Variants in FGGY observed in about 807,000 individuals in gnomAD.
FGGY encodes FGGY carbohydrate kinase domain-containing protein.
Under a neutral mutation model 71.3 loss-of-function variants are expected in FGGY, and 72 were observed. That is an observed-to-expected ratio of 1.01 (90% CI 0.84 to 1.23). The LOEUF is 1.23. Ranked by LOEUF, FGGY falls within the 50% of genes most tolerant of loss-of-function variation. The pLI is 0.00. For missense variants in FGGY, 668 were observed against 682.3 expected, an observed-to-expected ratio of 0.98 and a Z score of 0.23; for synonymous variants, 251 against 250.3, an observed-to-expected ratio of 1.00 and a Z score of -0.02.
chr1:59,686,472 G>A (rs566870569), intron 14 of FGGY, among the ~76,000 whole-genome samples: 5 of 152,130 alleles, frequency 3.3e-5, no homozygotes, highest in South Asian at 2.1e-4. Flanking sequence ...AAGAGAGAAC[G>A]CTGTGGACTT....
At chr1:59,445,604 T>G (rs1235011648) in intron 5 of FGGY, among the ~76,000 whole-genome samples, 1 of 152,234 alleles carries the variant, frequency 6.6e-6, no homozygotes, top group Non-Finnish European at 1.5e-5. Context: ...TGTCCTTGCC[T>G]ATGGCACACA....
intron 7 of FGGY, among the ~76,000 whole-genome samples, chr1:59,512,917 A>G (rs1231887782): frequency 6.6e-6 from 1 of 152,160 alleles, no homozygotes; most frequent in Non-Finnish European, 1.5e-5. Context: ...TCATTTGTTC[A>G]TTCATAAAAC....
intron 5 of FGGY, among the ~76,000 whole-genome samples, chr1:59,386,537 AC>A (rs970919261): frequency 1.6e-4 from 24 of 150,488 alleles, no homozygotes; most frequent in African/African-American, 5.1e-4. Flanking sequence ...TTACTCTTCC[AC>A]CCCCCACCCC....
intron 14 of FGGY, among the ~76,000 whole-genome samples, chr1:59,687,234 C>A (rs1573199576): frequency 6.6e-6 from 1 of 152,188 alleles, no homozygotes; most frequent in African/African-American, 2.4e-5. Context: ...GCAGCAGCTG[C>A]ATTTTCTGTC....
intron 8 of FGGY, among the ~76,000 whole-genome samples, chr1:59,604,512 A>G (rs896367184): frequency 9.2e-5 from 14 of 152,324 alleles, no homozygotes; most frequent in African/African-American, 3.4e-4. Flanking sequence ...ATTCTCTGAC[A>G]TTTCTGAGCA....
chr1:59,646,507 TATATTTATATATAAATTTAC>T (rs2097095919), intron 11 of FGGY, among the ~76,000 whole-genome samples: 1 of 149,810 alleles, frequency 6.7e-6, no homozygotes, highest in South Asian at 2.1e-4. Context: ...TTTTTATTTG[TATATTTATATATAAATTTAC>T]ATATTTATAT....
intron 8 of FGGY, among the ~76,000 whole-genome samples, chr1:59,555,579 C>G (rs2095671584): frequency 6.6e-6 from 1 of 152,216 alleles, no homozygotes; most frequent in Admixed American, 6.5e-5. Context: ...GTGGCTGACT[C>G]TGCCTGGGAG....
Position 59,762,505 on chromosome 1 carries a change from A to G in FGGY, c.1577A>G (p.Tyr526Cys), listed in dbSNP as rs2098351604. 3 of 1,611,736 alleles carry G rather than the reference A, an allele frequency of 1.9e-6. No homozygotes were observed. Among genetic ancestry groups the G allele is most frequent in the East Asian group, 2.2e-5 (1 of 44,812 alleles). ...ACATATTTATATTTCTCCCACAGAT[A>G]CTATGATAAGAAATACCAAGTATTC... The part of the protein sequence containing the change: ...VVFPRLQDKK[Y>C]YDKKYQVFLK... The change falls in exon 16 of 16, where the codon TAC becomes TGC. Residue 526 changes from tyrosine to cysteine, a missense_variant and splice_region_variant. This residue lies in a region of FGGY where 661 missense variants were observed against 661.6 expected (regional missense o/e 1.00). Coordinates refer to ENST00000303721, the MANE Select transcript of FGGY (RefSeq NM_018291.5).
rs2064555884 is a variant in FGGY, at chr1:59,416,989, T to G, written c.554+38152T>G. On this transcript the variant is annotated intron_variant, in intron 5 of 15. Coordinates refer to ENST00000303721, the MANE Select transcript of FGGY (RefSeq NM_018291.5). Reference sequence around the variant, plus strand: ...AGATATAATTCATATACCCTAAAATTCACCATTTTATGTATACAGTATAGT... The same window carrying G: ...AGATATAATTCATATACCCTAAAATGCACCATTTTATGTATACAGTATAGT... Among the ~76,000 whole-genome samples the G allele has an allele frequency of 1.3e-5, 2 of 152,218 alleles. 1 individual carries two copies. The highest frequency in any genetic ancestry group is 1.3e-4 in the Admixed American group (2 of 15,286).
intron 5 of FGGY, among the ~76,000 whole-genome samples, chr1:59,403,843 G>A (rs1460309733): frequency 2.6e-5 from 4 of 152,160 alleles, no homozygotes; most frequent in African/African-American, 9.7e-5. Context: ...ACACCTCTGT[G>A]ATCTTGGACA....
At chr1:59,733,314 TCTC>T in intron 14 of FGGY, 1 of 154,126 alleles carries the variant, frequency 6.5e-6, no homozygotes, top group Non-Finnish European at 1.5e-5. Flanking sequence ...CCCTGCCCCA[TCTC>T]CTCCTCACTA....
At chr1:59,392,002 G>GT (rs2060753301) in intron 5 of FGGY, among the ~76,000 whole-genome samples, 1 of 152,102 alleles carries the variant, frequency 6.6e-6, no homozygotes, top group African/African-American at 2.4e-5. Context: ...ACTCAGAAGG[G>GT]TTTCATTCTG....
chr1:59,592,356 C>A (rs370454149), intron 8 of FGGY, among the ~76,000 whole-genome samples: 17 of 152,112 alleles, frequency 1.1e-4, no homozygotes, highest in Admixed American at 7.9e-4. Context: ...ACTAGTTCAA[C>A]CATTGTGGAA....
At position 59,641,819 on chromosome 1, in the gene FGGY, T is replaced by C. The variant is rs567773196; in HGVS notation, c.1221+3444T>C. Among the ~76,000 whole-genome samples, 16 of 152,338 alleles carry C rather than the reference T, an allele frequency of 1.1e-4. 1 individual carries two copies. Among genetic ancestry groups the C allele is most frequent in the Middle Eastern group, 3.4e-3 (1 of 294 alleles). On this transcript the variant is annotated intron_variant, in intron 11 of 15. Transcript: ENST00000303721. The stretch of plus-strand genomic sequence containing the variant: ...CATATATGACATAAGAACAAAGTCA[T>C]GTGTGATCCACTGTGGAAACAGTTT...
rs368994081 is a variant in FGGY, at chr1:59,650,795, G to A, written c.1222-9424G>A. Among the ~76,000 whole-genome samples, 113 of 143,114 alleles carry A rather than the reference G, an allele frequency of 7.9e-4. 3 individuals are homozygous for A. Among genetic ancestry groups the A allele is most frequent in the Admixed American group, 7.5e-4 (11 of 14,754 alleles). 93.9% of individuals were successfully genotyped at this position (143,114 alleles called of 152,430 possible). ...AGTTATTTCTTGCCTTCTGCTAGCT[G>A]TTGAATGTGTTTGCTCTTGCTTCTC... On this transcript the variant is annotated intron_variant, in intron 11 of 15. Coordinates refer to ENST00000303721, the MANE Select transcript of FGGY (RefSeq NM_018291.5).
intron 2 of FGGY, among the ~76,000 whole-genome samples, chr1:59,337,519 C>A (rs1478362428): frequency 6.6e-6 from 1 of 152,114 alleles, no homozygotes; most frequent in Admixed American, 6.5e-5. Flanking sequence ...ACAGACACAC[C>A]CAGAAACAGT....
intron 2 of FGGY, chr1:59,331,724 T>A (rs1016369692): frequency 2.0e-5 from 3 of 152,128 alleles, no homozygotes; most frequent in African/African-American, 7.2e-5. Flanking sequence ...AGTTTTTCTC[T>A]CCATTGTTTT....
chr1:59,388,279 G>A (rs1474518698), intron 5 of FGGY, among the ~76,000 whole-genome samples: 1 of 152,176 alleles, frequency 6.6e-6, no homozygotes, highest in Non-Finnish European at 1.5e-5. Context: ...CTTGGGCATA[G>A]GAGGTGAAAG....
At chr1:59,512,506 C>T in intron 7 of FGGY, 67 bp downstream of exon 7, 1 of 1,487,028 alleles carries the variant, frequency 6.7e-7, no homozygotes. Flanking sequence ...GAACCGAAGA[C>T]ACTCCTTTTC....
Sources: gnomAD v4.1 joint callset for allele counts (sites outside exome capture counted in the v4.1 genomes callset) on GRCh38, gnomAD v4.1.1 for gene constraint, gnomAD v4.1.1 regional missense constraint, MANE v1.5 for transcripts, NCBI Gene and HGNC (gene_info 2026-07-23, HGNC 2026-07-21) for gene names.